RBFOX1: variants seen among roughly 807,000 people sequenced by gnomAD.
RBFOX1 encodes the protein RNA binding fox-1 homolog 1, also known as RNA binding protein fox-1 homolog 1.
Under a neutral mutation model 57.7 loss-of-function variants are expected in RBFOX1, and 8 were observed. The observed-to-expected ratio is 0.14, with a 90% CI of 0.08 to 0.25. The LOEUF is 0.25. Ranked by LOEUF, RBFOX1 falls within the 10% of genes least tolerant of loss-of-function variation. RBFOX1 has a pLI of 1.00. For missense variants in RBFOX1, 611 were observed against 548.5 expected (o/e 1.11, Z -1.14); for synonymous variants, 326 against 222.4 (o/e 1.47, Z -4.15).
rs532083301 is a variant in RBFOX1 at position 5,714,066 on chromosome 16, A to G, written c.318+115105A>G. 2.6e-5 allele frequency among the ~76,000 whole-genome samples: 4 copies of G among 152,340 alleles called. No homozygotes were observed. The East Asian group carries it at 7.7e-4, about 29-fold the overall frequency. ...AAATATGAGCCTATGCACTCCATAA[A>G]TTAGGAGCCGCCTTCAGTTCTCTTT... On this transcript the variant is annotated intron_variant, in intron 3 of 19. Transcript: ENST00000641259.
chr16:7,129,133 A>C (rs1054133408), intron 4 of RBFOX1, among the ~76,000 whole-genome samples: 8 of 152,160 alleles, frequency 5.3e-5, no homozygotes, highest in Non-Finnish European at 8.8e-5. Flanking sequence ...AGGTAATTAA[A>C]CTTGCCCAAA....
At chr16:6,859,568 A>C (rs2058646174) in intron 3 of RBFOX1, among the ~76,000 whole-genome samples, 1 of 152,040 alleles carries the variant, frequency 6.6e-6, no homozygotes. Context: ...ATCTGAATTT[A>C]GATGAGCCAC....
chr16:6,849,365 T>A (rs1450502861), intron 3 of RBFOX1, among the ~76,000 whole-genome samples: 1 of 152,196 alleles, frequency 6.6e-6, no homozygotes, highest in African/African-American at 2.4e-5. Flanking sequence ...AGTCTTATAC[T>A]TTAGATAGAA....
intron 4 of RBFOX1, among the ~76,000 whole-genome samples, chr16:7,392,455 A>G (rs1006794278): frequency 1.3e-5 from 2 of 152,208 alleles, no homozygotes; most frequent in Non-Finnish European, 2.9e-5. Flanking sequence ...GCAGTTATCA[A>G]ATAAAATTGT....
At chr16:5,920,510 G>C (rs533193210) in intron 4 of RBFOX1, among the ~76,000 whole-genome samples, 1 of 152,236 alleles carries the variant, frequency 6.6e-6, no homozygotes, top group African/African-American at 2.4e-5. Context: ...TTAACTTATA[G>C]GGGAACTGAT....
intron 1 of RBFOX1, among the ~76,000 whole-genome samples, chr16:6,316,078 T>A (rs1040474274): frequency 6.6e-6 from 1 of 152,182 alleles, no homozygotes. Flanking sequence ...TTTATAAGAG[T>A]AATTCAATTA....
chr16:5,846,907 G>A (rs2056771322), intron 3 of RBFOX1, among the ~76,000 whole-genome samples: 2 of 152,140 alleles, frequency 1.3e-5, no homozygotes, highest in East Asian at 1.9e-4. Flanking sequence ...CACATAAACC[G>A]CATTATTAGC....
At chr16:7,179,457 C>G (rs1185422761) in intron 4 of RBFOX1, among the ~76,000 whole-genome samples, 1 of 152,188 alleles carries the variant, frequency 6.6e-6, no homozygotes, top group Non-Finnish European at 1.5e-5. Context: ...TCCTCTTGAA[C>G]TGATTTACGG....
chr16:7,615,963 T>G (rs1391164166), intron 10 of RBFOX1, among the ~76,000 whole-genome samples: 1 of 152,352 alleles, frequency 6.6e-6, no homozygotes, highest in South Asian at 2.1e-4. Flanking sequence ...ACTAATAATG[T>G]ATGAACAGCT....
At chr16:6,625,175 A>AAG (rs2098286286) in intron 2 of RBFOX1, among the ~76,000 whole-genome samples, 1 of 150,594 alleles carries the variant, frequency 6.6e-6, no homozygotes, top group Non-Finnish European at 1.5e-5. Flanking sequence ...AAAAAAAAAA[A>AAG]AAAAAAAAAA....
intron 3 of RBFOX1, among the ~76,000 whole-genome samples, chr16:5,829,428 T>C (rs1236449861): frequency 6.6e-6 from 1 of 152,168 alleles, no homozygotes; most frequent in African/African-American, 2.4e-5. Context: ...TGAAATCATC[T>C]GGGGAAGAAA....
chr16:5,510,989 C>A (rs2043564722), intron 2 of RBFOX1, among the ~76,000 whole-genome samples: 2 of 152,100 alleles, frequency 1.3e-5, no homozygotes, highest in Admixed American at 6.5e-5. Context: ...TATTATTTTT[C>A]CTTTACTGTT....
At chr16:7,021,418 TTA>T (rs1361701542) in intron 3 of RBFOX1, among the ~76,000 whole-genome samples, 6 of 146,374 alleles carry the variant, frequency 4.1e-5, no homozygotes, top group East Asian at 3.9e-4. Context: ...TGTATGTTTT[TTA>T]TATATTTGTA....
chr16:7,278,255 A>G (rs1311579183), intron 4 of RBFOX1, among the ~76,000 whole-genome samples: 3 of 152,212 alleles, frequency 2.0e-5, no homozygotes. Flanking sequence ...AAACCCCTTG[A>G]TTGAATTGCA....
chr16:6,720,230 A>G (rs1017520460), intron 3 of RBFOX1, among the ~76,000 whole-genome samples: 2 of 152,098 alleles, frequency 1.3e-5, no homozygotes, highest in Non-Finnish European at 2.9e-5. Context: ...TTAATGAAAT[A>G]CTGCTGAATG....
intron 3 of RBFOX1, among the ~76,000 whole-genome samples, chr16:5,854,832 C>T (rs371184232): frequency 7.9e-4 from 121 of 152,244 alleles, no homozygotes; most frequent in African/African-American, 2.8e-3. Context: ...TATCAATTTA[C>T]ATTCCCACCC....
chr16:6,368,776 C>G (rs754215856), intron 2 of RBFOX1, among the ~76,000 whole-genome samples: 3 of 152,176 alleles, frequency 2.0e-5, no homozygotes, highest in Non-Finnish European at 4.4e-5. Flanking sequence ...AGAGGAAGAG[C>G]CCATGCCCTC....
intron 1 of RBFOX1, among the ~76,000 whole-genome samples, chr16:5,373,853 C>T (rs886372155): frequency 3.9e-5 from 6 of 152,194 alleles, no homozygotes; most frequent in South Asian, 4.1e-4. Flanking sequence ...ATCCACCTGC[C>T]GTGGCCTCCC....
chr16:7,189,394 C>G (rs1183946546), intron 4 of RBFOX1, among the ~76,000 whole-genome samples: 4 of 140,980 alleles, frequency 2.8e-5, no homozygotes, highest in Admixed American at 7.7e-5. Flanking sequence ...CCACTGCACT[C>G]CAGCCTGGGC....
Sources: allele counts gnomAD v4.1 joint callset (sites outside exome capture counted in the v4.1 genomes callset), GRCh38; gene constraint gnomAD v4.1.1; transcripts MANE v1.5; gene names NCBI Gene and HGNC (gene_info 2026-07-23, HGNC 2026-07-21).